GSDMB: variants seen among roughly 807,000 people sequenced by gnomAD.
The protein encoded by GSDMB is gasdermin-B.
Under a neutral mutation model 42.9 loss-of-function variants are expected in GSDMB, and 32 were observed. The ratio of observed to expected loss-of-function variants is 0.75; its 90% confidence interval spans 0.56 to 1.00. The LOEUF is 1.00. Among genes scored for constraint, GSDMB ranks in the 50% least tolerant of loss-of-function variants. GSDMB has a pLI of 0.00. For synonymous variants in GSDMB, 175 were observed against 193.7 expected (o/e 0.90, Z 0.80); for missense variants, 468 against 498.5 (o/e 0.94, Z 0.58).
chr17:39,905,338 G>C, intron 10 of GSDMB, 88 bp downstream of exon 10: 12 of 854,094 alleles, frequency 1.4e-5, no homozygotes, highest in Non-Finnish European at 2.1e-5. Context: ...GGAATAAGAA[G>C]GGGCTGTACC....
intron 10 of GSDMB, 195 bp from the exon 11 acceptor site, chr17:39,905,159 A>T: frequency 1.6e-6 from 1 of 615,362 alleles, no homozygotes. Context: ...TCTGCATGGG[A>T]ACTCAAGATC....
intron 3 of GSDMB, among the ~76,000 whole-genome samples, chr17:39,910,671 C>T (rs555878775): frequency 1.3e-5 from 2 of 151,992 alleles, no homozygotes; most frequent in Non-Finnish European, 2.9e-5. Flanking sequence ...GAGCCAGCTG[C>T]ATCATCTGCC....
intron 5 of GSDMB, 116 bp downstream of exon 5, chr17:39,908,842 A>C: frequency 1.4e-6 from 1 of 726,744 alleles, no homozygotes; most frequent in Non-Finnish European, 2.4e-6. Flanking sequence ...CCCCTCCCCA[A>C]CCTCCAAGCT....
intron 2 of GSDMB, among the ~76,000 whole-genome samples, chr17:39,913,544 C>T (rs1180386770): frequency 6.6e-6 from 1 of 152,056 alleles, no homozygotes; most frequent in Non-Finnish European, 1.5e-5. Flanking sequence ...ACCTGGGAGG[C>T]AGAAGCAAAG....
In GSDMB at chr17:39,916,932, C is replaced by T. The variant is rs1010727910; in HGVS notation, c.235+150G>A. ...CTCTCCTCCCACCATGCAGCTCTTC[C>T]GTGCATTTCTTAAATTAAGGTGTGT... On this transcript the variant is annotated intron_variant, in intron 2 of 10. Coordinates refer to ENST00000418519, the MANE Select transcript of GSDMB (RefSeq NM_001165958.2). 1.1e-4 allele frequency: 63 copies of T among 599,944 alleles called. No homozygotes were observed. The South Asian group carries it at 1.1e-3, about 10-fold the overall frequency. The allele number at this position is 599,944 out of a possible 1,614,324, so 37.2% of individuals were successfully genotyped here.
At chr17:39,913,082 G>A (rs2063642601) in intron 2 of GSDMB, among the ~76,000 whole-genome samples, 1 of 151,766 alleles carries the variant, frequency 6.6e-6, no homozygotes, top group Non-Finnish European at 1.5e-5. Context: ...ACTCCAGCCT[G>A]GAGGAGAGTG....
At chr17:39,909,670 G>A in intron 4 of GSDMB, 86 bp downstream of exon 4, 1 of 1,213,466 alleles carries the variant, frequency 8.2e-7, no homozygotes, top group Admixed American at 2.0e-5. Flanking sequence ...GAGGAGTGAA[G>A]GAAGAGTCTA....
chr17:39,909,370 A>G, intron 4 of GSDMB: 1 of 387,138 alleles, frequency 2.6e-6, no homozygotes, highest in Non-Finnish European at 4.6e-6. Flanking sequence ...AAGCAAAAAT[A>G]CACCTGTGTA....
chr17:39,918,614 A>C lies in GSDMB; in HGVS notation c.-95T>G, dbSNP rs1390672153. On this transcript the variant is annotated 5_prime_UTR_variant, in exon 1 of 11. In the 5' UTR this introduces an upstream ATG that the reference lacks. Coordinates refer to ENST00000418519, the MANE Select transcript of GSDMB (RefSeq NM_001165958.2). The stretch of plus-strand genomic sequence containing the variant: ...ATCTCTGCACAGTTCCTGGCCTCTG[A>C]ATCTCAGGAAGCTAAAATAATGAAA... 3 of 152,350 alleles carry C rather than the reference A, an allele frequency of 2.0e-5. No individual in the cohort carries two copies. Among genetic ancestry groups the C allele is most frequent in the Admixed American group, 2.0e-4 (3 of 15,274 alleles). The allele number at this position is 152,350 out of a possible 1,614,324, so 9.4% of individuals were successfully genotyped here.
intron 3 of GSDMB, among the ~76,000 whole-genome samples, chr17:39,910,905 T>C (rs1411766884): frequency 6.6e-6 from 1 of 152,178 alleles, no homozygotes; most frequent in Admixed American, 6.5e-5. Flanking sequence ...CGAGCTCTCT[T>C]AGAACAATTC....
rs1292075979 is a variant in GSDMB, at chr17:39,907,288, C to A, written c.701-301G>T. The A allele has an allele frequency of 1.4e-5, 13 of 936,920 alleles. 1 individual carries two copies. The Admixed American group carries it at 5.1e-4, about 37-fold the overall frequency. 58.0% of individuals were successfully genotyped at this position (936,920 alleles called of 1,614,324 possible). A position where few individuals can be genotyped will look rare whatever the true frequency, so the allele number is the denominator to read the frequency against. On this transcript the variant is annotated intron_variant, in intron 6 of 10. Transcript: ENST00000418519. ...GCAAATTTGGGTCAGACTTCTCTAT[C>A]CCTTTCCAAGCTCTCTTAGGCAGTA...
Position 39,917,236 on chromosome 17 carries a change from G to T in GSDMB, c.81C>A (p.Ser27Arg). ...DAGGDMIAVR[S>R]LVDADRFRCF... is the part of the protein sequence containing the mutation. ...AGCGGAATCTATCAGCATCAACAAG[G>T]CTTCTAACGGCAATCATATCCCCTC... The change falls in exon 2 of 11, where the codon AGC (serine) becomes AGA (arginine). Residue 27 changes from serine (S) to arginine (R), a missense_variant. Ser to Arg is a moderately radical substitution (Grantham distance 110). Coordinates refer to ENST00000418519, the MANE Select transcript of GSDMB (RefSeq NM_001165958.2). 1.2e-6 allele frequency: 2 copies of T among 1,613,924 alleles called. No homozygotes were observed. Among genetic ancestry groups the T allele is most frequent in the East Asian group, 2.2e-5 (1 of 44,888 alleles).
rs368175037 is a variant in GSDMB, at chr17:39,908,364, GTTTTTGT to G, written c.662-157_662-151del. 4,269 of 573,592 alleles carry G rather than the reference GTTTTTGT, an allele frequency of 7.4e-3. 123 individuals carry two copies. The African/African-American group carries it at 0.076, about 10-fold the overall frequency. 35.5% of individuals were successfully genotyped at this position (573,592 alleles called of 1,614,324 possible). A position where few individuals can be genotyped will look rare whatever the true frequency, so the allele number is the denominator to read the frequency against. ...AAAAAGACAACTGTTTTTTGTTTTT[GTTTTTGT>G]TTTTTGTTTTTTGTTTTTTGTTTTT... On this transcript the variant is annotated intron_variant, in intron 5 of 10. Coordinates refer to ENST00000418519, the MANE Select transcript of GSDMB (RefSeq NM_001165958.2).
chr17:39,906,338 AT>A (rs1195833966), intron 7 of GSDMB, 67 bp from the exon 8 acceptor site: 1 of 1,490,910 alleles, frequency 6.7e-7, no homozygotes, highest in East Asian at 2.3e-5. Flanking sequence ...AGGCTCTGTT[AT>A]TTGTCTGACT....
Position 39,904,623 on chromosome 17 carries a change from C to T in GSDMB, c.*189G>A, listed in dbSNP as rs951772690. The T allele has an allele frequency of 1.9e-6, 1 of 515,610 alleles. No individual in the cohort carries two copies. Among genetic ancestry groups the T allele is most frequent in the Non-Finnish European group, 3.4e-6 (1 of 292,656 alleles). The allele number at this position is 515,610 out of a possible 1,614,324, so 31.9% of individuals were successfully genotyped here. ...ACATGCACAACCTGCCACTTTTAAT[C>T]AGAAGTCCATGTATGAAATCCAGGC... On this transcript the variant is annotated 3_prime_UTR_variant, in exon 11 of 11. Coordinates refer to ENST00000418519, the MANE Select transcript of GSDMB (RefSeq NM_001165958.2).
intron 1 of GSDMB, chr17:39,918,192 G>A (rs530880577): frequency 6.6e-6 from 1 of 152,148 alleles, no homozygotes; most frequent in Non-Finnish European, 1.5e-5. Flanking sequence ...AACCTCAACT[G>A]GTCGTTTCTT....
intron 7 of GSDMB, chr17:39,906,525 T>G: frequency 4.4e-6 from 6 of 1,357,304 alleles, no homozygotes; most frequent in Non-Finnish European, 4.7e-6. Context: ...CTCCACTTCC[T>G]GGAAAAAAAC....
chr17:39,915,086 C>T (rs559501229), intron 2 of GSDMB, among the ~76,000 whole-genome samples: 1 of 152,348 alleles, frequency 6.6e-6, no homozygotes, highest in African/African-American at 2.4e-5. Flanking sequence ...ATCCGCCCGC[C>T]TCAGCCTCCC....
chr17:39,909,928 G>T lies in GSDMB; in HGVS notation c.408-4C>A. Reference sequence around the variant, plus strand: ...GGGTAGTTCCCTCTTCAGCTTCCTGGAGAGAGTGGAGAGAGATGAGAGTTA... The same window carrying T: ...GGGTAGTTCCCTCTTCAGCTTCCTGTAGAGAGTGGAGAGAGATGAGAGTTA... On this transcript the variant is annotated splice_region_variant and splice_polypyrimidine_tract_variant and intron_variant, in intron 3 of 10. Transcript: ENST00000418519. 1 of 1,608,324 alleles carries T rather than the reference G, an allele frequency of 6.2e-7. No homozygotes were observed. Among genetic ancestry groups the T allele is most frequent in the Non-Finnish European group, 8.5e-7 (1 of 1,175,222 alleles).
Sources: allele counts gnomAD v4.1 joint callset (sites outside exome capture counted in the v4.1 genomes callset), GRCh38; gene constraint gnomAD v4.1.1; transcripts MANE v1.5; gene names NCBI Gene and HGNC (gene_info 2026-07-23, HGNC 2026-07-21).